The following ATOX1 variants were observed in gnomAD, a reference collection of about 807,000 sequenced individuals.
ATOX1 encodes the protein antioxidant 1 copper chaperone.
A neutral mutation model predicts 7.3 loss-of-function variants in ATOX1; 4 were observed. The observed-to-expected ratio is 0.55, with a 90% CI of 0.27 to 1.25. ATOX1 has a LOEUF of 1.25. Ranked by LOEUF, ATOX1 falls within the 50% of genes most tolerant of loss-of-function variation. The pLI is 0.12. For synonymous variants in ATOX1, 25 were observed against 28.7 expected, an observed-to-expected ratio of 0.87 and a Z score of 0.41; for missense variants, 68 against 81.6, an observed-to-expected ratio of 0.83 and a Z score of 0.64.
At position 151,751,797 on chromosome 5, in the gene ATOX1, G is replaced by T; in HGVS notation, c.7-18C>A. ...TCGTGCTTCTGAAACAAACACAGGGGGACCATGACCCGAGCCCTGTAGAGT... is the reference window on the plus strand; with the variant it reads ...TCGTGCTTCTGAAACAAACACAGGGTGACCATGACCCGAGCCCTGTAGAGT... On this transcript the variant is annotated intron_variant, in intron 1 of 3. Coordinates refer to ENST00000313115, the MANE Select transcript of ATOX1 (RefSeq NM_004045.4). 1 of 1,595,510 alleles carries T rather than the reference G, an allele frequency of 6.3e-7. No homozygotes were observed. Among genetic ancestry groups the T allele is most frequent in the Non-Finnish European group, 8.5e-7 (1 of 1,171,224 alleles).
Position 151,758,406 on chromosome 5 carries a change from G to A in ATOX1, c.6+140C>T, listed in dbSNP as rs373072678. On this transcript the variant is annotated intron_variant, in intron 1 of 3. Coordinates refer to ENST00000313115, the MANE Select transcript of ATOX1 (RefSeq NM_004045.4). The stretch of plus-strand genomic sequence containing the variant: ...TGAAGGGTCGCAAAAGCTGGGGGCT[G>A]GGTGGGGTAAGCTAGGGGACAACAG... 517 of 1,299,962 alleles carry A rather than the reference G, an allele frequency of 4.0e-4. 8 individuals are homozygous for A. The East Asian group carries it at 0.014, about 36-fold the overall frequency. 80.5% of individuals were successfully genotyped at this position (1,299,962 alleles called of 1,614,324 possible).
chr5:151,746,778 G>A (rs2113176591), intron 2 of ATOX1, among the ~76,000 whole-genome samples: 1 of 152,292 alleles, frequency 6.6e-6, no homozygotes, highest in East Asian at 1.9e-4. Flanking sequence ...CTGTTGCCCA[G>A]GCTGGAGTGC....
rs192229115 is a variant in ATOX1, at chr5:151,746,335, C to G, written c.197G>C (p.Gly66Ala). The change falls in exon 3 of 4, where the codon GGC becomes GCC. Residue 66 changes from glycine (G) to alanine (A), a missense_variant. Transcript: ENST00000313115. The part of the protein sequence containing the change: ...KKTGKTVSYL[G>A]LE ...GGGACCAGGCCCCTGCTACTCAAGG[C>G]CAAGGTAGGAAACAGTCTTTCCTGT... 1.9e-6 allele frequency: 3 copies of G among 1,613,496 alleles called. No individual in the cohort carries two copies. In the African/African-American group the frequency reaches 4.0e-5, roughly 22 times the overall value.
At chr5:151,757,996 G>A (rs1762037601) in intron 1 of ATOX1, among the ~76,000 whole-genome samples, 2 of 152,356 alleles carry the variant, frequency 1.3e-5, no homozygotes, top group South Asian at 2.1e-4. Context: ...GGGCTCATGG[G>A]TTCAGGCTGA....
intron 2 of ATOX1, among the ~76,000 whole-genome samples, chr5:151,747,944 CTTAA>C (rs932914453): frequency 2.0e-5 from 3 of 152,184 alleles, no homozygotes; most frequent in African/African-American, 4.8e-5. Context: ...CACACATCCA[CTTAA>C]TTAATCCACT....
intron 2 of ATOX1, among the ~76,000 whole-genome samples, chr5:151,747,183 C>A (rs566955837): frequency 2.0e-5 from 3 of 152,000 alleles, no homozygotes; most frequent in African/African-American, 7.2e-5. Flanking sequence ...TCTATCTAGA[C>A]TTTGTCCTAG....
intron 2 of ATOX1, among the ~76,000 whole-genome samples, chr5:151,746,724 TG>T (rs746397635): frequency 1.4e-4 from 21 of 152,184 alleles, no homozygotes; most frequent in Non-Finnish European, 2.9e-4. Context: ...GCCCATGTGC[TG>T]ATCTCTGTTC....
At chr5:151,750,631 CCTTT>C (rs1390262846) in intron 2 of ATOX1, among the ~76,000 whole-genome samples, 1 of 144,744 alleles carries the variant, frequency 6.9e-6, no homozygotes, top group Non-Finnish European at 1.5e-5. Context: ...TTAAATCTTT[CCTTT>C]TTTTCTTTCT....
chr5:151,751,578 AC>A (rs1761948956), intron 2 of ATOX1, 125 bp downstream of exon 2: 1 of 865,794 alleles, frequency 1.2e-6, no homozygotes, highest in African/African-American at 1.7e-5. Context: ...AGTAGTTGGC[AC>A]GTGCTAAGTA....
rs767715613 is a variant in ATOX1 at position 151,751,776 on chromosome 5, G to A, written c.10C>T (p.His4Tyr). MPK[H>Y]EFSVDMTCGG... ...CAGGTCATGTCCACAGAGAACTCGT[G>A]CTTCTGAAACAAACACAGGGGGACC... Residue 4 changes from histidine (H) to tyrosine (Y), a missense_variant, in exon 2 of 4, where the codon CAC becomes TAC. By Grantham distance (83) the His-to-Tyr change is moderately conservative. Coordinates refer to ENST00000313115, the MANE Select transcript of ATOX1 (RefSeq NM_004045.4). The A allele has an allele frequency of 4.4e-6, 7 of 1,605,946 alleles. No individual in the cohort carries two copies. The highest frequency in any genetic ancestry group is 5.1e-6 in the Non-Finnish European group (6 of 1,176,386).
chr5:151,747,843 C>T (rs927975378), intron 2 of ATOX1, among the ~76,000 whole-genome samples: 3 of 152,232 alleles, frequency 2.0e-5, no homozygotes, highest in African/African-American at 7.2e-5. Context: ...CCTGCATTGG[C>T]CTCCCAAAGT....
At chr5:151,754,867 C>G (rs1419784896) in intron 1 of ATOX1, among the ~76,000 whole-genome samples, 1 of 151,542 alleles carries the variant, frequency 6.6e-6, no homozygotes, top group Non-Finnish European at 1.5e-5. Flanking sequence ...GCCTGTAGTC[C>G]CAGCTACTCA....
intron 3 of ATOX1, chr5:151,744,142 G>A (rs1761853926): frequency 6.6e-6 from 1 of 152,210 alleles, no homozygotes; most frequent in African/African-American, 2.4e-5. Context: ...GGCTGCCAGG[G>A]GATGGAGAGA....
At chr5:151,754,118 T>C (rs1761983268) in intron 1 of ATOX1, 1 of 152,202 alleles carries the variant, frequency 6.6e-6, no homozygotes, top group East Asian at 1.9e-4. Context: ...AAAGAAGGAT[T>C]TGTAGTAAGT....
chr5:151,758,421 G>T, intron 1 of ATOX1, 125 bp downstream of exon 1: 1 of 1,342,468 alleles, frequency 7.4e-7, no homozygotes, highest in Non-Finnish European at 9.6e-7. Context: ...GGGTAAGCTA[G>T]GGGACAACAG....
intron 1 of ATOX1, among the ~76,000 whole-genome samples, chr5:151,754,486 G>C (rs1185114312): frequency 1.3e-5 from 2 of 152,114 alleles, no homozygotes; most frequent in African/African-American, 4.8e-5. Context: ...GGTGGCAGGT[G>C]CCTGTAATCC....
At chr5:151,754,105 T>C (rs1271843234) in intron 1 of ATOX1, 1 of 152,228 alleles carries the variant, frequency 6.6e-6, no homozygotes, top group African/African-American at 2.4e-5. Context: ...TAACAGATTC[T>C]GGAAAGAAGG....
intron 2 of ATOX1, among the ~76,000 whole-genome samples, chr5:151,749,847 C>T (rs1034024314): frequency 6.6e-5 from 10 of 152,184 alleles, no homozygotes; most frequent in Non-Finnish European, 1.5e-4. Flanking sequence ...GATTAAGATC[C>T]CAGTTTACAG....
Position 151,746,358 on chromosome 5 carries a change from T to C in ATOX1, c.174A>G (p.Thr58=), listed in dbSNP as rs1561520773. Residue 58 remains threonine, a synonymous_variant, in exon 3 of 4, where the codon ACA becomes ACG. Transcript: ENST00000313115. ...GGCCAAGGTAGGAAACAGTCTTTCC[T>C]GTTTTCTTCAGGGTTGCAAGCAGAG... The part of the protein sequence containing the change: ...MDTLLATLKK[T]GKTVSYLGLE 1.2e-6 allele frequency: 2 copies of C among 1,613,890 alleles called. No individual in the cohort carries two copies. Among genetic ancestry groups the C allele is most frequent in the Non-Finnish European group, 1.7e-6 (2 of 1,179,808 alleles).
Sources: allele counts gnomAD v4.1 joint callset (sites outside exome capture counted in the v4.1 genomes callset), GRCh38; gene constraint gnomAD v4.1.1; transcripts MANE v1.5; gene names NCBI Gene and HGNC (gene_info 2026-07-23, HGNC 2026-07-21).